Variants in FAM193B observed in about 807,000 individuals in gnomAD.
FAM193B encodes family with sequence similarity 193 member B.
Under a neutral mutation model 70.7 loss-of-function variants are expected in FAM193B, and 27 were observed. The observed-to-expected ratio is 0.38, with a 90% CI of 0.28 to 0.53. FAM193B has a LOEUF of 0.53. FAM193B is among the 20% of genes least tolerant of loss of function. The pLI, the probability that FAM193B is intolerant of heterozygous loss-of-function variation, is 0.81. For synonymous variants in FAM193B, 448 were observed against 436.0 expected (o/e 1.03, Z -0.34); for missense variants, 1,022 against 1,072.5 (o/e 0.95, Z 0.66).
At chr5:177,553,010 C>T (rs1423514034) in intron 1 of FAM193B, among the ~76,000 whole-genome samples, 2 of 152,154 alleles carry the variant, frequency 1.3e-5, no homozygotes, top group African/African-American at 4.8e-5. Flanking sequence ...CAGTCCAGGG[C>T]AGGCAACAGA....
chr5:177,536,842 A>G, intron 3 of FAM193B, 97 bp from the exon 4 acceptor site: 2 of 1,449,810 alleles, frequency 1.4e-6, no homozygotes, highest in African/African-American at 2.9e-5. Flanking sequence ...CTTCTGTGAC[A>G]AGAGGGCACA....
intron 1 of FAM193B, among the ~76,000 whole-genome samples, chr5:177,544,641 T>C (rs944059178): frequency 7.9e-5 from 12 of 152,240 alleles, no homozygotes; most frequent in African/African-American, 2.7e-4. Context: ...CTTGAAGACT[T>C]TTCTGATGAA....
intron 5 of FAM193B, among the ~76,000 whole-genome samples, chr5:177,525,697 G>A (rs114356702): frequency 0.01 from 1,573 of 152,376 alleles, 24 homozygotes; most frequent in African/African-American, 0.032. Flanking sequence ...CGGTGTTCCC[G>A]TAGAGAGGCC....
chr5:177,522,249 A>C, intron 7 of FAM193B, 178 bp from the exon 8 acceptor site: 1 of 566,238 alleles, frequency 1.8e-6, no homozygotes, highest in Non-Finnish European at 3.2e-6. Context: ...GGGCTTCTGG[A>C]TTGGGCCCAG....
intron 1 of FAM193B, among the ~76,000 whole-genome samples, chr5:177,543,895 T>C (rs527848290): frequency 2.0e-5 from 3 of 152,342 alleles, no homozygotes; most frequent in Non-Finnish European, 4.4e-5. Flanking sequence ...TAAATGTTCA[T>C]CCAATGAATG....
rs1262555178 is a variant in FAM193B, at chr5:177,532,427, G to A, written c.1275+16C>T. 1.9e-6 allele frequency: 3 copies of A among 1,604,832 alleles called. No homozygotes were observed. Among genetic ancestry groups the A allele is most frequent in the Admixed American group, 3.4e-5 (2 of 58,712 alleles). The stretch of plus-strand genomic sequence containing the variant: ...GCTGGCCCCCAGCCCTCTCTAGCCT[G>A]GGCAGGCTCACTCACCGCATTGTGG... On this transcript the variant is annotated intron_variant, in intron 5 of 8. Transcript: ENST00000514747. This position sits in a 1 kb window ranked among gnomAD's most constrained non-coding sequence, Gnocchi z 4.9.
intron 5 of FAM193B, among the ~76,000 whole-genome samples, chr5:177,527,658 CTG>C (rs1762819116): frequency 6.6e-6 from 1 of 152,212 alleles, no homozygotes; most frequent in Non-Finnish European, 1.5e-5. Context: ...GATGAAGAAA[CTG>C]AGGCTTAGAG....
At position 177,538,804 on chromosome 5, in the gene FAM193B, T is replaced by C; in HGVS notation, c.453+101A>G. On this transcript the variant is annotated intron_variant, in intron 2 of 8. Coordinates refer to ENST00000514747, the MANE Select transcript of FAM193B (RefSeq NM_001190946.3). This position sits in a 1 kb window ranked among gnomAD's most constrained non-coding sequence, Gnocchi z 4.1. The stretch of plus-strand genomic sequence containing the variant: ...CCAGAAGTCTCTCAGTGCCTGGGCA[T>C]GGGAGCTGCCCAAGGAGAGCCACCT... The C allele has an allele frequency of 1.4e-6, 2 of 1,481,454 alleles. No homozygotes were observed. Among genetic ancestry groups the C allele is most frequent in the Non-Finnish European group, 1.8e-6 (2 of 1,084,310 alleles). The allele number at this position is 1,481,454 out of a possible 1,614,324, so 91.8% of individuals were successfully genotyped here. A position where few individuals can be genotyped will look rare whatever the true frequency, so the allele number is the denominator to read the frequency against.
Position 177,524,435 on chromosome 5 carries a change from T to C in FAM193B, c.2046A>G (p.Lys682=), listed in dbSNP as rs1201908245. The C allele has an allele frequency of 1.2e-6, 2 of 1,606,830 alleles. No individual in the cohort carries two copies. Among genetic ancestry groups the C allele is most frequent in the Admixed American group, 1.7e-5 (1 of 58,982 alleles). ...KQPGRVLELP[K]VGSCAEAGEG... ...CTCCAGCCTCAGCACAGCTGCCTAC[T>C]TTGGGAAGCTCTAGGACCCTGCCTG... The change falls in exon 6 of 9, where the codon AAA becomes AAG. Residue 682 remains lysine (K), a synonymous_variant. Transcript: ENST00000514747.
At chr5:177,553,456 C>T in intron 1 of FAM193B, 1 of 1,103,086 alleles carries the variant, frequency 9.1e-7, no homozygotes. Context: ...GCAACCGTGG[C>T]CCATGTCACC....
intron 1 of FAM193B, chr5:177,552,003 T>A: frequency 1.0e-6 from 1 of 984,544 alleles, no homozygotes; most frequent in African/African-American, 1.7e-5. Flanking sequence ...GGGGCTATAG[T>A]TTAAAAAAAA....
chr5:177,523,910 G>A (rs777041440), intron 7 of FAM193B, 47 bp downstream of exon 7: 9 of 1,600,248 alleles, frequency 5.6e-6, no homozygotes, highest in Admixed American at 1.7e-5. Context: ...AGTGTGGGCA[G>A]GACCTGGAGT....
In FAM193B at chr5:177,536,650, T is replaced by C. The variant is rs1274886841; in HGVS notation, c.784A>G (p.Ile262Val). The stretch of plus-strand genomic sequence containing the variant: ...CCAAAGGAGCTGGGGTGAGACGGGA[T>C]TAGAGATGCTGGCTGCGGGTGGTGG... Reference protein sequence around the residue: ...TGHHPQPASLIPSHPSSFGSP... With the variant: ...TGHHPQPASLVPSHPSSFGSP... The change falls in exon 4 of 9, where the codon ATC (isoleucine) becomes GTC (valine). Residue 262 changes from isoleucine (I) to valine (V), a missense_variant. Transcript: ENST00000514747. 6.4e-7 allele frequency: 1 copy of C among 1,565,852 alleles called. No homozygotes were observed.
chr5:177,554,439 C>T lies in FAM193B; in HGVS notation c.20G>A (p.Arg7Lys), dbSNP rs1766783413. 2.8e-6 allele frequency: 3 copies of T among 1,062,728 alleles called. No individual in the cohort carries two copies. The highest frequency in any genetic ancestry group is 1.1e-6 in the Non-Finnish European group (1 of 882,876). The allele number at this position is 1,062,728 out of a possible 1,614,324, so 65.8% of individuals were successfully genotyped here. The change falls in exon 1 of 9, where the codon AGG (arginine) becomes AAG (lysine). Residue 7 changes from arginine to lysine, a missense_variant. Physicochemically the swap from Arg to Lys is conservative, Grantham distance 26. Coordinates refer to ENST00000514747, the MANE Select transcript of FAM193B (RefSeq NM_001190946.3). ...GCGCCTGCCCGCACCGCCGCTCGGC[C>T]TGCTCCGCCTCCGCGTCATGCCGCC... MTRRRS[R>K]PSGGAGRRER...
intron 1 of FAM193B, among the ~76,000 whole-genome samples, chr5:177,546,345 C>A (rs772018722): frequency 2.0e-5 from 3 of 152,192 alleles, no homozygotes; most frequent in Non-Finnish European, 4.4e-5. Context: ...AGAATGTGAG[C>A]CCTCTGGGGG....
intron 1 of FAM193B, among the ~76,000 whole-genome samples, chr5:177,549,692 G>A (rs1021200608): frequency 2.0e-5 from 3 of 152,234 alleles, no homozygotes; most frequent in Non-Finnish European, 4.4e-5. Flanking sequence ...ATTCACTTCT[G>A]CATGCGCAGC....
chr5:177,529,469 C>T (rs1039593434), intron 5 of FAM193B, among the ~76,000 whole-genome samples: 1 of 152,088 alleles, frequency 6.6e-6, no homozygotes, highest in African/African-American at 2.4e-5. Flanking sequence ...TCTGTCCCTG[C>T]CTGCAGCCCC....
chr5:177,531,246 G>A, intron 5 of FAM193B: 1 of 1,238,010 alleles, frequency 8.1e-7, no homozygotes, highest in Non-Finnish European at 1.1e-6. Context: ...TCCTCAGGGA[G>A]GAGAGACGGC....
At chr5:177,520,296 T>C (rs1172177325) in intron 8 of FAM193B, 115 bp from the exon 9 acceptor site, 1 of 152,258 alleles carries the variant, frequency 6.6e-6, no homozygotes, top group African/African-American at 2.4e-5. Context: ...CTGCTATTTT[T>C]GTTCCCTGGG....
Sources: gnomAD v4.1 joint callset for allele counts (sites outside exome capture counted in the v4.1 genomes callset) on GRCh38, gnomAD v4.1.1 for gene constraint, Gnocchi (gnomAD v3.1) non-coding constraint, MANE v1.5 for transcripts, NCBI Gene and HGNC (gene_info 2026-07-23, HGNC 2026-07-21) for gene names.